The following GFPT1 variants were observed in gnomAD, a reference collection of about 807,000 sequenced individuals.
GFPT1 encodes the protein glutamine--fructose-6-phosphate aminotransferase [isomerizing] 1.
In GFPT1, 40 loss-of-function variants were observed where a neutral mutation model predicts 92.0. The ratio of observed to expected loss-of-function variants is 0.43; its 90% confidence interval spans 0.34 to 0.57. The LOEUF (loss-of-function observed/expected upper bound fraction) is 0.57. Ranked by LOEUF, GFPT1 falls within the 20% of genes least tolerant of loss-of-function variation. The pLI is 0.02. For synonymous variants in GFPT1, 269 were observed against 280.6 expected, an observed-to-expected ratio of 0.96 and a Z score of 0.41; for missense variants, 448 against 869.1, an observed-to-expected ratio of 0.52 and a Z score of 6.09.
intron 15 of GFPT1, among the ~76,000 whole-genome samples, chr2:69,335,133 A>G (rs1670763096): frequency 6.6e-6 from 1 of 151,944 alleles, no homozygotes; most frequent in Non-Finnish European, 1.5e-5. Context: ...CAGCCTCCTG[A>G]GTAGCTGGGA....
chr2:69,365,172 T>C (rs1221709975), intron 3 of GFPT1, among the ~76,000 whole-genome samples: 1 of 151,776 alleles, frequency 6.6e-6, no homozygotes, highest in East Asian at 1.9e-4. Flanking sequence ...TTTATCAGAG[T>C]TAGGTCTAAA....
intron 2 of GFPT1, 119 bp downstream of exon 2, chr2:69,373,887 C>A (rs1671809685): frequency 1.7e-6 from 1 of 586,246 alleles, no homozygotes; most frequent in Admixed American, 2.6e-5. Context: ...GACAAAAATT[C>A]TTCCAATTTA....
chr2:69,344,908 C>T (rs572109102), intron 12 of GFPT1, among the ~76,000 whole-genome samples: 1 of 152,250 alleles, frequency 6.6e-6, no homozygotes, highest in South Asian at 2.1e-4. Flanking sequence ...GCTGGGATTA[C>T]AGGCATGAGC....
chr2:69,353,952 C>A (rs1299687668), intron 9 of GFPT1, among the ~76,000 whole-genome samples: 1 of 152,136 alleles, frequency 6.6e-6, no homozygotes, highest in South Asian at 2.1e-4. Flanking sequence ...GCACACAATG[C>A]TCTTTTCCTA....
rs370349998 is a variant in GFPT1 at position 69,339,722 on chromosome 2, T to C, written c.1204-1157A>G. 4.3e-4 allele frequency among the ~76,000 whole-genome samples: 66 copies of C among 152,304 alleles called. 1 individual carries two copies. The South Asian group carries it at 6.4e-3, about 15-fold the overall frequency. On this transcript the variant is annotated intron_variant, in intron 13 of 19. Transcript: ENST00000357308. ...CCCTTATTTCATAGCCCTTAACTTT[T>C]GCTTGCCCACAAATTTGAACAGAAT...
intron 15 of GFPT1, 142 bp downstream of exon 15, chr2:69,337,756 G>C (rs922902154): frequency 1.4e-6 from 1 of 735,610 alleles, no homozygotes; most frequent in Non-Finnish European, 2.4e-6. Flanking sequence ...TAAAATGTGT[G>C]AGTTCTATAA....
At chr2:69,360,277 C>T (rs1034372130) in intron 4 of GFPT1, among the ~76,000 whole-genome samples, 6 of 142,800 alleles carry the variant, frequency 4.2e-5, no homozygotes, top group African/African-American at 1.6e-4. Flanking sequence ...TGCAGTGAGC[C>T]GAGATCCCAC....
intron 9 of GFPT1, among the ~76,000 whole-genome samples, chr2:69,350,552 T>C (rs889513558): frequency 2.0e-5 from 3 of 152,154 alleles, no homozygotes; most frequent in African/African-American, 7.2e-5. Flanking sequence ...TCTTAACACA[T>C]AAAAGTTTGT....
rs1322357708 is a variant in GFPT1, at chr2:69,322,115, C to A, written c.*4074G>T. ...AGTGTTAGCATTTCTAAACTTGAGACTCTAACAGTAAAAATAAAGTAATCT... is the reference window on the plus strand; with the variant it reads ...AGTGTTAGCATTTCTAAACTTGAGAATCTAACAGTAAAAATAAAGTAATCT... On this transcript the variant is annotated 3_prime_UTR_variant, in exon 20 of 20. Transcript: ENST00000357308. The A allele has an allele frequency of 6.6e-6, 1 of 152,108 alleles. No homozygotes were observed. Among genetic ancestry groups the A allele is most frequent in the Non-Finnish European group, 1.5e-5 (1 of 68,004 alleles). The allele number at this position is 152,108 out of a possible 1,614,324, so 9.4% of individuals were successfully genotyped here. A position where few individuals can be genotyped will look rare whatever the true frequency, so the allele number is the denominator to read the frequency against.
Position 69,324,591 on chromosome 2 carries a change from C to T in GFPT1, c.*1598G>A, listed in dbSNP as rs1183846157. ...CAAAATATAACAAATCTTTCTCTAA[C>T]CCTAAGACACAAGCAGAATTCTATG... On this transcript the variant is annotated 3_prime_UTR_variant, in exon 20 of 20. Coordinates refer to ENST00000357308, the MANE Select transcript of GFPT1 (RefSeq NM_001244710.2). 1 of 152,026 alleles carries T rather than the reference C, an allele frequency of 6.6e-6. No individual in the cohort carries two copies. The highest frequency in any genetic ancestry group is 1.9e-4 in the East Asian group (1 of 5,190). The allele number at this position is 152,026 out of a possible 1,614,324, so 9.4% of individuals were successfully genotyped here.
intron 12 of GFPT1, among the ~76,000 whole-genome samples, chr2:69,344,999 CT>C (rs1022961204): frequency 1.6e-4 from 24 of 152,188 alleles, no homozygotes; most frequent in African/African-American, 3.6e-4. Context: ...TAAAACAAAT[CT>C]TTTTCCTGAC....
At chr2:69,343,390 C>T (rs138451044) in intron 12 of GFPT1, among the ~76,000 whole-genome samples, 144 of 152,032 alleles carry the variant, frequency 9.5e-4, no homozygotes, top group African/African-American at 3.4e-3. Context: ...GTCTACTCTG[C>T]CCCTGCTCTC....
At chr2:69,356,749 T>C (rs1671347998) in intron 6 of GFPT1, among the ~76,000 whole-genome samples, 192 bp from the exon 7 acceptor site, 1 of 152,196 alleles carries the variant, frequency 6.6e-6, no homozygotes. Flanking sequence ...ACATTTTTTT[T>C]TTTTTTTGAG....
rs747353279 is a variant in GFPT1 at position 69,363,681 on chromosome 2, T to C, written c.224-11A>G. 16 of 1,583,810 alleles carry C rather than the reference T, an allele frequency of 1.0e-5. No individual in the cohort carries two copies. In the African/African-American group the frequency reaches 2.0e-4, roughly 20 times the overall value. ...CCATATCTTGTTGCTCTGAAGAATA[T>C]GAAAAGAAAAATTTCAATATTAAAT... On this transcript the variant is annotated splice_polypyrimidine_tract_variant and intron_variant, in intron 3 of 19. Transcript: ENST00000357308.
intron 1 of GFPT1, among the ~76,000 whole-genome samples, chr2:69,378,290 G>A (rs1323144223): frequency 6.6e-6 from 1 of 152,196 alleles, no homozygotes; most frequent in African/African-American, 2.4e-5. Flanking sequence ...ACAGGCATAA[G>A]CCACTGCACC....
At chr2:69,356,885 G>A (rs753756743) in intron 6 of GFPT1, among the ~76,000 whole-genome samples, 19 of 151,788 alleles carry the variant, frequency 1.3e-4, no homozygotes, top group Non-Finnish European at 2.2e-4. Flanking sequence ...TTACAGGCAC[G>A]CACCCCCACG....
At chr2:69,340,651 A>G (rs1670927435) in intron 13 of GFPT1, among the ~76,000 whole-genome samples, 1 of 152,202 alleles carries the variant, frequency 6.6e-6, no homozygotes, top group Admixed American at 6.5e-5. Flanking sequence ...ATACTAAAAA[A>G]AAAACATGTA....
intron 15 of GFPT1, among the ~76,000 whole-genome samples, chr2:69,337,219 C>T (rs545647474): frequency 4.1e-4 from 63 of 152,014 alleles, no homozygotes; most frequent in Non-Finnish European, 7.5e-4. Context: ...GCACGTGCTA[C>T]CACACCTGGC....
At position 69,356,694 on chromosome 2, in the gene GFPT1, G is replaced by C. The variant is rs181939429; in HGVS notation, c.544-137C>G. The C allele has an allele frequency of 1.9e-4, 135 of 707,044 alleles. No individual in the cohort carries two copies. The Admixed American group carries it at 2.7e-3, about 14-fold the overall frequency. The allele number at this position is 707,044 out of a possible 1,614,324, so 43.8% of individuals were successfully genotyped here. A position where few individuals can be genotyped will look rare whatever the true frequency, so the allele number is the denominator to read the frequency against. Reference sequence around the variant, plus strand: ...GTACCAGTTTATAAACAAGTCTAAAGTTTAAGTAAACACTTACTCCTAAGC... The same window carrying C: ...GTACCAGTTTATAAACAAGTCTAAACTTTAAGTAAACACTTACTCCTAAGC... On this transcript the variant is annotated intron_variant, in intron 6 of 19. Coordinates refer to ENST00000357308, the MANE Select transcript of GFPT1 (RefSeq NM_001244710.2).
Sources: gnomAD v4.1 joint callset for allele counts (sites outside exome capture counted in the v4.1 genomes callset) on GRCh38, gnomAD v4.1.1 for gene constraint, MANE v1.5 for transcripts, NCBI Gene and HGNC (gene_info 2026-07-23, HGNC 2026-07-21) for gene names.